MYCBP2: variants seen among roughly 807,000 people sequenced by gnomAD.
The protein encoded by MYCBP2 is E3 ubiquitin-protein ligase MYCBP2.
Under a neutral mutation model 525.3 loss-of-function variants are expected in MYCBP2, and 120 were observed. The ratio of observed to expected loss-of-function variants is 0.23; its 90% CI spans 0.20 to 0.27. The LOEUF (loss-of-function observed/expected upper bound fraction) is 0.27. Ranked by LOEUF, MYCBP2 falls within the 10% of genes least tolerant of loss-of-function variation. MYCBP2 has a pLI of 1.00. For missense variants in MYCBP2, 4,149 were observed against 5,657.1 expected, an observed-to-expected ratio of 0.73 and a Z score of 8.55; for synonymous variants, 1,894 against 1,955.8, an observed-to-expected ratio of 0.97 and a Z score of 0.83.
At chr13:77,105,128 G>T (rs1475610368) in intron 55 of MYCBP2, among the ~76,000 whole-genome samples, 3 of 152,078 alleles carry the variant, frequency 2.0e-5, no homozygotes, top group Non-Finnish European at 2.9e-5. Flanking sequence ...ATATAGGAAG[G>T]AATACAATCT....
chr13:77,061,255 C>A lies in MYCBP2; in HGVS notation c.12950G>T (p.Gly4317Val). 2 of 1,612,240 alleles carry A rather than the reference C, an allele frequency of 1.2e-6. No individual in the cohort carries two copies. The highest frequency in any genetic ancestry group is 1.7e-6 in the Non-Finnish European group (2 of 1,179,118). Residue 4317 changes from glycine (G) to valine (V), a missense_variant, in exon 76 of 83, where the codon GGT becomes GTT. Physicochemically the swap from Gly to Val is moderately radical, Grantham distance 109. Around this residue, in one of 21 missense-constraint regions of MYCBP2, gnomAD observed 220 missense variants for 396.0 expected, o/e 0.56. Transcript: ENST00000544440. ...EEAIKVDLHE[G>V]CGRTKLFWLM... Reference sequence around the variant, plus strand: ...CCAGAACAATTTGGTTCTACCACAACCTTCATGAAGGTCAACCTTTATAGC... The same window carrying A: ...CCAGAACAATTTGGTTCTACCACAAACTTCATGAAGGTCAACCTTTATAGC...
chr13:77,266,410 A>C (rs2074086051), intron 8 of MYCBP2, among the ~76,000 whole-genome samples: 1 of 152,146 alleles, frequency 6.6e-6, no homozygotes, highest in Admixed American at 6.6e-5. Flanking sequence ...AATGACCTAG[A>C]AATATTTTCA....
chr13:77,080,966 A>G (rs543954686), intron 65 of MYCBP2: 3 of 153,800 alleles, frequency 2.0e-5, no homozygotes, highest in Admixed American at 1.3e-4. Context: ...AGCTGATTAC[A>G]CTATAGGTCA....
At chr13:77,199,919 C>T (rs574946518) in intron 26 of MYCBP2, among the ~76,000 whole-genome samples, 1 of 152,052 alleles carries the variant, frequency 6.6e-6, no homozygotes, top group Non-Finnish European at 1.5e-5. Flanking sequence ...GACCAAAAGT[C>T]GATAAAACCA....
intron 15 of MYCBP2, among the ~76,000 whole-genome samples, chr13:77,250,908 A>G (rs2071093454): frequency 6.6e-6 from 1 of 152,192 alleles, no homozygotes; most frequent in South Asian, 2.1e-4. Context: ...GTCTGTTTTT[A>G]AATAATGGTT....
At chr13:77,121,589 G>A in intron 54 of MYCBP2, 94 bp from the exon 55 acceptor site, 2 of 1,236,682 alleles carry the variant, frequency 1.6e-6, no homozygotes, top group Non-Finnish European at 2.1e-6. Flanking sequence ...TTTTATGATG[G>A]TTAGATTTTA....
chr13:77,169,579 A>G (rs2058933921), intron 39 of MYCBP2, 35 bp downstream of exon 39: 1 of 1,561,434 alleles, frequency 6.4e-7, no homozygotes, highest in Admixed American at 1.7e-5. Context: ...GATATTTAAA[A>G]AAAACATTCA....
intron 1 of MYCBP2, among the ~76,000 whole-genome samples, chr13:77,310,778 G>A (rs573346563): frequency 3.6e-5 from 4 of 110,686 alleles, no homozygotes; most frequent in South Asian, 5.5e-4. Context: ...ACGTGTGTGC[G>A]TGCGCATGCA....
Position 77,211,155 on chromosome 13 carries a change from T to G in MYCBP2, c.3416+12A>C, listed in dbSNP as rs966045433. On this transcript the variant is annotated intron_variant, in intron 23 of 82. Coordinates refer to ENST00000544440, the MANE Select transcript of MYCBP2 (RefSeq NM_015057.5). ...AAAACTTATTGACTATTTTATAAAC[T>G]GAGATGCTTACCTCCAAATTACATC... 21 of 1,423,748 alleles carry G rather than the reference T, an allele frequency of 1.5e-5. No individual in the cohort carries two copies. Among genetic ancestry groups the G allele is most frequent in the Non-Finnish European group, 1.9e-5 (21 of 1,082,870 alleles). 88.2% of individuals were successfully genotyped at this position (1,423,748 alleles called of 1,614,324 possible).
intron 14 of MYCBP2, among the ~76,000 whole-genome samples, chr13:77,256,786 G>T (rs765373673): frequency 1.3e-4 from 20 of 152,000 alleles, no homozygotes; most frequent in Non-Finnish European, 2.8e-4. Flanking sequence ...TAGTGAGAAT[G>T]TAAATTTAGT....
intron 27 of MYCBP2, among the ~76,000 whole-genome samples, chr13:77,193,410 A>C (rs1164656840): frequency 2.0e-5 from 3 of 152,132 alleles, no homozygotes; most frequent in Non-Finnish European, 4.4e-5. Context: ...GTTTCTGAAA[A>C]TATACATTTT....
chr13:77,130,441 A>G lies in MYCBP2; in HGVS notation c.7660-3899T>C, dbSNP rs529955710. On this transcript the variant is annotated intron_variant, in intron 52 of 82. Transcript: ENST00000544440. ...TATGGATATATACATATATATGTAC[A>G]GATGAATGTGGGTACACACCCATCT... Among the ~76,000 whole-genome samples the G allele has an allele frequency of 2.0e-3, 305 of 152,046 alleles. 2 individuals carry two copies. Among genetic ancestry groups the G allele is most frequent in the African/African-American group, 5.4e-3 (223 of 41,528 alleles).
chr13:77,217,970 A>C lies in MYCBP2; in HGVS notation c.2940-13T>G. On this transcript the variant is annotated splice_polypyrimidine_tract_variant and intron_variant, in intron 20 of 82. Coordinates refer to ENST00000544440, the MANE Select transcript of MYCBP2 (RefSeq NM_015057.5). ...AGTGGGACATCCCCTAGGTTAAAAA[A>C]AAAAAAAGTAAGTCAATTTCTTACA... is the stretch of plus-strand genomic sequence containing the variant. 1 of 1,535,872 alleles carries C rather than the reference A, an allele frequency of 6.5e-7. No individual in the cohort carries two copies. Among genetic ancestry groups the C allele is most frequent in the African/African-American group, 1.4e-5 (1 of 71,306 alleles).
intron 2 of MYCBP2, among the ~76,000 whole-genome samples, chr13:77,291,022 A>T (rs2154361428): frequency 6.6e-6 from 1 of 152,358 alleles, no homozygotes; most frequent in Admixed American, 6.5e-5. Context: ...TTAAAGACTT[A>T]AATAAATGGA....
At chr13:77,187,037 T>C (rs2060795806) in intron 30 of MYCBP2, among the ~76,000 whole-genome samples, 1 of 152,090 alleles carries the variant, frequency 6.6e-6, no homozygotes, top group Non-Finnish European at 1.5e-5. Flanking sequence ...CTTGAACTCC[T>C]GAGCTCAAGC....
chr13:77,259,180 G>A (rs986938771), intron 13 of MYCBP2, among the ~76,000 whole-genome samples: 27 of 152,038 alleles, frequency 1.8e-4, no homozygotes, highest in African/African-American at 1.2e-4. Flanking sequence ...TGGGACAATC[G>A]CTGGAACCTA....
rs1235310635 is a variant in MYCBP2, at chr13:77,326,968, G to A, written c.-193C>T. ...TCCTCCTCCCCCCCGCGCCGCCCTC[G>A]CCGCTACTGGGGCCGCTCATCTAAC... On this transcript the variant is annotated 5_prime_UTR_variant, in exon 1 of 83. Coordinates refer to ENST00000544440, the MANE Select transcript of MYCBP2 (RefSeq NM_015057.5). The surrounding 1 kb of genome is among the most constrained non-coding windows in gnomAD (Gnocchi z 4.2). 7.9e-6 allele frequency: 4 copies of A among 504,892 alleles called. No homozygotes were observed. Among genetic ancestry groups the A allele is most frequent in the East Asian group, 3.5e-5 (1 of 28,522 alleles). The allele number at this position is 504,892 out of a possible 1,614,324, so 31.3% of individuals were successfully genotyped here.
At chr13:77,129,525 C>A (rs2052357761) in intron 52 of MYCBP2, 1 of 213,564 alleles carries the variant, frequency 4.7e-6, no homozygotes, top group Non-Finnish European at 9.2e-6. Flanking sequence ...AAGAAAGAAA[C>A]CTTAAAATTC....
At chr13:77,240,517 A>G (rs1328155360) in intron 17 of MYCBP2, among the ~76,000 whole-genome samples, 1 of 152,166 alleles carries the variant, frequency 6.6e-6, no homozygotes, top group Admixed American at 6.5e-5. Context: ...CTGATGTAGG[A>G]GAATCGCTTG....
Sources: allele counts gnomAD v4.1 joint callset (sites outside exome capture counted in the v4.1 genomes callset), GRCh38; gene constraint gnomAD v4.1.1; regional missense constraint gnomAD v4.1.1; non-coding constraint Gnocchi (gnomAD v3.1); transcripts MANE v1.5; gene names NCBI Gene and HGNC (gene_info 2026-07-23, HGNC 2026-07-21).